The following ASIC2 variants were observed in gnomAD, a reference collection of about 807,000 sequenced individuals.
ASIC2 encodes acid sensing ion channel subunit 2.
A neutral mutation model predicts 57.3 loss-of-function variants in ASIC2; 25 were observed. The ratio of observed to expected loss-of-function variants is 0.44; its 90% CI spans 0.32 to 0.61. The LOEUF is 0.61. ASIC2 is among the 20% of genes least tolerant of loss of function. The pLI is 0.06. For synonymous variants in ASIC2, 319 were observed against 307.5 expected, an observed-to-expected ratio of 1.04 and a Z score of -0.39; for missense variants, 641 against 738.1, an observed-to-expected ratio of 0.87 and a Z score of 1.52.
At chr17:33,934,967 A>G (rs952398431) in intron 1 of ASIC2, among the ~76,000 whole-genome samples, 23 of 152,172 alleles carry the variant, frequency 1.5e-4, no homozygotes, top group African/African-American at 5.6e-4. Context: ...ACATACTGAC[A>G]TGCAAATGAC....
At chr17:33,362,170 C>A (rs565653994) in intron 1 of ASIC2, among the ~76,000 whole-genome samples, 2 of 152,150 alleles carry the variant, frequency 1.3e-5, no homozygotes, top group Non-Finnish European at 2.9e-5. Flanking sequence ...CTAGGGGAAA[C>A]CTTACTTGGG....
At chr17:33,413,526 G>A (rs1161596041) in intron 1 of ASIC2, among the ~76,000 whole-genome samples, 1 of 152,180 alleles carries the variant, frequency 6.6e-6, no homozygotes, top group East Asian at 1.9e-4. Context: ...CCAGGACTAC[G>A]CTGATAGCCT....
intron 1 of ASIC2, among the ~76,000 whole-genome samples, chr17:33,753,018 A>G (rs530229987): frequency 2.6e-5 from 4 of 152,372 alleles, no homozygotes; most frequent in African/African-American, 4.8e-5. Context: ...TAGCAATGTT[A>G]TTTATAATTG....
intron 1 of ASIC2, among the ~76,000 whole-genome samples, chr17:33,807,025 G>A (rs1422254082): frequency 1.3e-5 from 2 of 152,200 alleles, no homozygotes; most frequent in African/African-American, 2.4e-5. Flanking sequence ...CCACACATCT[G>A]CTTTGTCATT....
intron 3 of ASIC2, among the ~76,000 whole-genome samples, chr17:33,078,693 G>A (rs2092099560): frequency 6.6e-6 from 1 of 152,156 alleles, no homozygotes; most frequent in South Asian, 2.1e-4. Flanking sequence ...TTCCCAAAGT[G>A]CTAGGATTAT....
At chr17:33,741,676 G>A (rs1910116411) in intron 1 of ASIC2, among the ~76,000 whole-genome samples, 2 of 152,196 alleles carry the variant, frequency 1.3e-5, no homozygotes, top group South Asian at 4.1e-4. Context: ...GTTTGTGTTT[G>A]CCACTGATAA....
In ASIC2 at chr17:33,127,160, C is replaced by T. The variant is rs149419385; in HGVS notation, c.709-15093G>A. Among the ~76,000 whole-genome samples, 1,095 of 149,718 alleles carry T rather than the reference C, an allele frequency of 7.3e-3. 29 individuals are homozygous for T. Among genetic ancestry groups the T allele is most frequent in the African/African-American group, 0.026 (1,051 of 40,156 alleles). On this transcript the variant is annotated intron_variant, in intron 1 of 9. Coordinates refer to ENST00000225823, the MANE Select transcript of ASIC2 (RefSeq NM_183377.2). Reference sequence around the variant, plus strand: ...CTGGGATTACAGGCGTGAGCCACCGCTCCCGGCCGCAACCCTACCATTACT... The same window carrying T: ...CTGGGATTACAGGCGTGAGCCACCGTTCCCGGCCGCAACCCTACCATTACT...
At position 33,396,468 on chromosome 17, in the gene ASIC2, C is replaced by T. The variant is rs1910082023; in HGVS notation, c.556-284401G>A. ...TATTATGATTATTTCCTTTATTTTA[C>T]CGATGTGGGAAACTGAGGCTCAAAT... On this transcript the variant is annotated intron_variant, in intron 1 of 9. Coordinates refer to the ASIC2 transcript ENST00000359872. Among the ~76,000 whole-genome samples the T allele has an allele frequency of 3.9e-5, 6 of 152,220 alleles. No homozygotes were observed. The South Asian group carries it at 8.3e-4, about 21-fold the overall frequency.
chr17:33,128,309 G>A (rs2092332296), intron 1 of ASIC2, among the ~76,000 whole-genome samples: 1 of 152,114 alleles, frequency 6.6e-6, no homozygotes, highest in Non-Finnish European at 1.5e-5. Context: ...CCCTTTTCTT[G>A]GTACCACATA....
chr17:33,387,115 T>G (rs1270919226), intron 1 of ASIC2, among the ~76,000 whole-genome samples: 2 of 152,174 alleles, frequency 1.3e-5, no homozygotes, highest in Non-Finnish European at 2.9e-5. Flanking sequence ...CTCGAACTCC[T>G]GACCTCAAGT....
intron 1 of ASIC2, among the ~76,000 whole-genome samples, chr17:33,301,932 A>C (rs553046321): frequency 2.6e-5 from 4 of 152,310 alleles, no homozygotes; most frequent in African/African-American, 9.6e-5. Context: ...GGCAGAGGCA[A>C]CAGCAGCACA....
intron 1 of ASIC2, chr17:33,290,931 T>TC (rs1905397673): frequency 6.4e-6 from 1 of 155,410 alleles, no homozygotes; most frequent in African/African-American, 2.4e-5. Flanking sequence ...TCTGCGTGAT[T>TC]CCCCTGATGA....
chr17:33,193,859 G>A (rs879095383), intron 1 of ASIC2, among the ~76,000 whole-genome samples: 6 of 152,296 alleles, frequency 3.9e-5, no homozygotes, highest in South Asian at 2.1e-4. Context: ...AGTTTCTGCC[G>A]CTGGTAGCTT....
intron 1 of ASIC2, chr17:33,689,319 C>CCT (rs1908292584): frequency 6.6e-6 from 1 of 152,304 alleles, no homozygotes; most frequent in East Asian, 1.9e-4. Context: ...GATCCTCCCA[C>CCT]CTCGGCCTCC....
chr17:33,831,971 A>T lies in ASIC2; in HGVS notation c.555+324007T>A, dbSNP rs574903211. Among the ~76,000 whole-genome samples the T allele has an allele frequency of 2.0e-4, 31 of 152,124 alleles. No individual in the cohort carries two copies. The East Asian group carries it at 2.3e-3, about 11-fold the overall frequency. ...TTTGTTGTTGTCCTTTTTCATTTTT[A>T]CCCTCTCTTCTCTTGTCTCCAAAGT... On this transcript the variant is annotated intron_variant, in intron 1 of 9. Transcript: ENST00000359872.
At chr17:33,579,221 G>T (rs1053086561) in intron 1 of ASIC2, among the ~76,000 whole-genome samples, 1 of 149,672 alleles carries the variant, frequency 6.7e-6, no homozygotes, top group African/African-American at 2.5e-5. Context: ...GGGAGGCAGA[G>T]GTTGCAGTGA....
chr17:33,484,222 G>GA (rs1195460028), intron 1 of ASIC2, among the ~76,000 whole-genome samples: 1 of 152,172 alleles, frequency 6.6e-6, no homozygotes, highest in Non-Finnish European at 1.5e-5. Flanking sequence ...GCAGCAAAAG[G>GA]AAACTAATAT....
At chr17:34,044,144 A>G (rs1024481894) in intron 1 of ASIC2, among the ~76,000 whole-genome samples, 2 of 145,382 alleles carry the variant, frequency 1.4e-5, no homozygotes, top group Non-Finnish European at 3.1e-5. Context: ...ACACACACAC[A>G]CACACCAAGA....
At chr17:33,336,015 T>C (rs1283962973) in intron 1 of ASIC2, among the ~76,000 whole-genome samples, 1 of 152,108 alleles carries the variant, frequency 6.6e-6, no homozygotes, top group Non-Finnish European at 1.5e-5. Flanking sequence ...TGTCCTTCTG[T>C]TCAGCAACCC....
Sources: allele counts gnomAD v4.1 joint callset (sites outside exome capture counted in the v4.1 genomes callset), GRCh38; gene constraint gnomAD v4.1.1; transcripts MANE v1.5; gene names NCBI Gene and HGNC (gene_info 2026-07-23, HGNC 2026-07-21).